Variants in PSMD3 observed in about 807,000 individuals in gnomAD.
PSMD3 encodes the protein proteasome 26S subunit, non-ATPase 3, also known as 26S proteasome non-ATPase regulatory subunit 3.
PSMD3 carries 5 observed loss-of-function variants against 62.8 expected under a neutral mutation model. The ratio of observed to expected loss-of-function variants is 0.08; its 90% CI spans 0.04 to 0.17. The LOEUF (loss-of-function observed/expected upper bound fraction) is 0.17, where lower values mean the gene tolerates loss of function less well. Ranked by LOEUF, PSMD3 falls within the 10% of genes least tolerant of loss-of-function variation. The pLI is 1.00. For missense variants in PSMD3, 524 were observed against 713.6 expected, an observed-to-expected ratio of 0.73 and a Z score of 3.03; for synonymous variants, 265 against 283.9, an observed-to-expected ratio of 0.93 and a Z score of 0.67.
intron 6 of PSMD3, among the ~76,000 whole-genome samples, chr17:39,990,794 A>G (rs1020954649): frequency 1.3e-5 from 2 of 152,080 alleles, no homozygotes; most frequent in Non-Finnish European, 1.5e-5. Context: ...TCATGTTCAC[A>G]TTTGGAAACT....
rs1297648156 is a variant in PSMD3 at position 39,984,622 on chromosome 17, T to G, written c.411+138T>G. ...AAGCCAAAGCAGTCCATTTGAATAC[T>G]CATCTGCACAGTGACAAGGGAACCG... On this transcript the variant is annotated intron_variant, in intron 2 of 11. Transcript: ENST00000264639. 3.9e-6 allele frequency: 3 copies of G among 760,326 alleles called. No homozygotes were observed. The African/African-American group carries it at 5.3e-5, about 13-fold the overall frequency. 47.1% of individuals were successfully genotyped at this position (760,326 alleles called of 1,614,324 possible). A position where few individuals can be genotyped will look rare whatever the true frequency, so the allele number is the denominator to read the frequency against.
chr17:39,983,011 A>G (rs1000319285), intron 1 of PSMD3, among the ~76,000 whole-genome samples: 2 of 152,130 alleles, frequency 1.3e-5, no homozygotes, highest in Non-Finnish European at 2.9e-5. Flanking sequence ...ACCAGGAGAA[A>G]TGTAGTTTTC....
chr17:39,986,486 A>G lies in PSMD3; in HGVS notation c.412-89A>G, dbSNP rs553876652. 5.4e-6 allele frequency: 8 copies of G among 1,483,024 alleles called. No homozygotes were observed. In the East Asian group the frequency reaches 1.8e-4, roughly 34 times the overall value. 91.9% of individuals were successfully genotyped at this position (1,483,024 alleles called of 1,614,324 possible). On this transcript the variant is annotated intron_variant, in intron 2 of 11. Transcript: ENST00000264639. ...TTGGCACATGGTAGACACTCAATAA[A>G]TATGTTGAAATACATAGTGGATGCT...
chr17:39,983,835 AAAT>A (rs1335143900), intron 1 of PSMD3, among the ~76,000 whole-genome samples: 2 of 152,162 alleles, frequency 1.3e-5, no homozygotes, highest in Non-Finnish European at 2.9e-5. Context: ...TGGAATCTGT[AAAT>A]ATTATGGACC....
At chr17:39,987,095 G>A (rs1295655323) in intron 3 of PSMD3, among the ~76,000 whole-genome samples, 2 of 152,178 alleles carry the variant, frequency 1.3e-5, no homozygotes, top group East Asian at 1.9e-4. Flanking sequence ...GATGGTTAGC[G>A]TTACATAAAA....
chr17:39,983,168 G>C (rs1222483364), intron 1 of PSMD3, among the ~76,000 whole-genome samples: 1 of 152,078 alleles, frequency 6.6e-6, no homozygotes, highest in African/African-American at 2.4e-5. Flanking sequence ...GAGTAGCTGG[G>C]ATTACGGTCA....
intron 3 of PSMD3, 108 bp downstream of exon 3, chr17:39,986,820 A>G: frequency 7.3e-7 from 1 of 1,376,064 alleles, no homozygotes; most frequent in Non-Finnish European, 1.0e-6. Context: ...ATTCTTAAGA[A>G]CTGTCCCCCA....
intron 6 of PSMD3, chr17:39,993,834 T>C (rs537334929): frequency 1.3e-5 from 2 of 152,276 alleles, no homozygotes; most frequent in South Asian, 2.1e-4. Flanking sequence ...GTTATTGTTA[T>C]TTGGTAGTTT....
rs570707166 is a variant in PSMD3, at chr17:39,980,836, A to T, written c.-135A>T. On this transcript the variant is annotated 5_prime_UTR_variant, in exon 1 of 12. Transcript: ENST00000264639. Reference sequence around the variant, plus strand: ...GGCCCAGCGCCGGGAAGGGGTTTGCAGCTGCTCCGTCATCGTGCGGCCCGA... The same window carrying T: ...GGCCCAGCGCCGGGAAGGGGTTTGCTGCTGCTCCGTCATCGTGCGGCCCGA... 3.7e-6 allele frequency: 3 copies of T among 805,874 alleles called. No homozygotes were observed. The highest frequency in any genetic ancestry group is 1.9e-5 in the South Asian group (1 of 52,526). The allele number at this position is 805,874 out of a possible 1,614,324, so 49.9% of individuals were successfully genotyped here. A position where few individuals can be genotyped will look rare whatever the true frequency, so the allele number is the denominator to read the frequency against.
In PSMD3 at chr17:39,989,875, G is replaced by A. The variant is rs768624588; in HGVS notation, c.823G>A (p.Val275Met). 1.4e-5 allele frequency: 22 copies of A among 1,614,082 alleles called. No homozygotes were observed. In the East Asian group the frequency reaches 4.7e-4, roughly 34 times the overall value. ...DQAEKLVSKS[V>M]FPEQANNNEW... ...GGCTGAGAAGCTGGTGTCCAAGTCT[G>A]TGTTCCCAGAGCAGGCCAACAACAA... The change falls in exon 5 of 12, where the codon GTG (valine) becomes ATG (methionine). Residue 275 changes from valine (V) to methionine (M), a missense_variant. Physicochemically the swap from Val to Met is conservative, Grantham distance 21. Transcript: ENST00000264639.
intron 4 of PSMD3, among the ~76,000 whole-genome samples, chr17:39,989,300 G>C (rs1657060659): frequency 6.6e-6 from 1 of 152,136 alleles, no homozygotes; most frequent in African/African-American, 2.4e-5. Context: ...CAGAGCCTTT[G>C]CACTGGCTGC....
At chr17:39,985,366 A>T (rs1161259914) in intron 2 of PSMD3, among the ~76,000 whole-genome samples, 1 of 152,220 alleles carries the variant, frequency 6.6e-6, no homozygotes, top group African/African-American at 2.4e-5. Flanking sequence ...GTTAAACGTG[A>T]TGAACGGATT....
chr17:39,986,050 T>C (rs946886142), intron 2 of PSMD3, among the ~76,000 whole-genome samples: 4 of 152,198 alleles, frequency 2.6e-5, no homozygotes, highest in Admixed American at 6.5e-5. Flanking sequence ...TTTGTTCTCC[T>C]GTAACACTTT....
chr17:39,995,593 G>C lies in PSMD3; in HGVS notation c.1320+66G>C, dbSNP rs1016489918. The C allele has an allele frequency of 6.7e-7, 1 of 1,488,130 alleles. No individual in the cohort carries two copies. The highest frequency in any genetic ancestry group is 9.4e-7 in the Non-Finnish European group (1 of 1,067,640). 92.2% of individuals were successfully genotyped at this position (1,488,130 alleles called of 1,614,324 possible). On this transcript the variant is annotated intron_variant, in intron 9 of 11. Coordinates refer to ENST00000264639, the MANE Select transcript of PSMD3 (RefSeq NM_002809.4). The surrounding 1 kb of genome is among the most constrained non-coding windows in gnomAD (Gnocchi z 4.1). ...TTCCTGCCAATCTCAGGAGGCAGGA[G>C]TGGGAGGAGTTTGGCCAAGGAGGGG...
Position 39,981,030 on chromosome 17 carries a change from CGGA to C in PSMD3, c.65_67del (p.Gly22del), listed in dbSNP as rs770824212. 50 of 1,549,124 alleles carry C rather than the reference CGGA, an allele frequency of 3.2e-5. No individual in the cohort carries two copies. In the African/African-American group the frequency reaches 5.6e-4, roughly 17 times the overall value. On this transcript the variant is annotated inframe_deletion, in exon 1 of 12. Transcript: ENST00000264639. ...CGGACAAGGCGAAACCGCCGCCCGG[CGGA>C]GGAGAACAAGAACCCCCACCGCCGC...
chr17:39,982,876 T>G (rs1980421668), intron 1 of PSMD3, among the ~76,000 whole-genome samples: 1 of 152,240 alleles, frequency 6.6e-6, no homozygotes, highest in Non-Finnish European at 1.5e-5. Context: ...TTAAAAAATC[T>G]ACTTTTCTAA....
chr17:39,993,258 G>T (rs1377391719), intron 6 of PSMD3: 2 of 152,178 alleles, frequency 1.3e-5, no homozygotes, highest in Non-Finnish European at 2.9e-5. Flanking sequence ...CCACCCATAT[G>T]ACCTCACTTT....
chr17:39,981,105 C>T lies in PSMD3; in HGVS notation c.135C>T (p.Gly45=), dbSNP rs761838243. ...VEMKEEAATG[G]GSTGEADGKT... ...TGAAAGAGGAGGCAGCGACGGGTGG[C>T]GGGTCGACGGGGGAGGCAGACGGCA... is the stretch of plus-strand genomic sequence containing the variant. Residue 45 remains glycine (G), a synonymous_variant, in exon 1 of 12, where the codon GGC becomes GGT. Transcript: ENST00000264639. 7 of 1,550,584 alleles carry T rather than the reference C, an allele frequency of 4.5e-6. No individual in the cohort carries two copies. The highest frequency in any genetic ancestry group is 3.4e-4 in the Middle Eastern group (2 of 5,926).
rs1429218421 is a variant in PSMD3, at chr17:39,995,144, C to T, written c.1097-32C>T. 6.2e-7 allele frequency: 1 copy of T among 1,614,094 alleles called. No individual in the cohort carries two copies. The highest frequency in any genetic ancestry group is 1.3e-5 in the African/African-American group (1 of 75,016). On this transcript the variant is annotated intron_variant, in intron 7 of 11. Transcript: ENST00000264639. This position sits in a 1 kb window ranked among gnomAD's most constrained non-coding sequence, Gnocchi z 4.1. ...CCTCTTACATGCCTGTGCCTATTTG[C>T]ATCATCCAATCTACTCCTGTTCTGC... is the stretch of plus-strand genomic sequence containing the variant.
Sources: gnomAD v4.1 joint callset for allele counts (sites outside exome capture counted in the v4.1 genomes callset) on GRCh38, gnomAD v4.1.1 for gene constraint, Gnocchi (gnomAD v3.1) non-coding constraint, MANE v1.5 for transcripts, NCBI Gene and HGNC (gene_info 2026-07-23, HGNC 2026-07-21) for gene names.